Variants in RYR3 observed in about 807,000 individuals in gnomAD.
RYR3 encodes the protein brain ryanodine receptor-calcium release channel.
RYR3 carries 207 observed loss-of-function variants against 584.3 expected under a neutral mutation model. The ratio of observed to expected loss-of-function variants is 0.35; its 90% CI spans 0.32 to 0.40. RYR3 has a LOEUF of 0.40. RYR3 is among the 10% of genes least tolerant of loss of function. The pLI is 1.00. For missense variants in RYR3, 5,616 were observed against 6,089.2 expected (o/e 0.92, Z 2.59); for synonymous variants, 2,416 against 2,248.5 (o/e 1.07, Z -2.11).
At chr15:33,698,946 G>C (rs1246051446) in intron 40 of RYR3, among the ~76,000 whole-genome samples, 1 of 152,102 alleles carries the variant, frequency 6.6e-6, no homozygotes, top group African/African-American at 2.4e-5. Flanking sequence ...CTAAGATTTG[G>C]CCCAACCTAG....
At chr15:33,647,396 A>C (rs1185271831) in intron 29 of RYR3, 28 bp from the exon 30 acceptor site, 3 of 1,593,556 alleles carry the variant, frequency 1.9e-6, no homozygotes, top group East Asian at 2.2e-5. Flanking sequence ...CAGCTGAATA[A>C]CTAAAACATG....
intron 38 of RYR3, among the ~76,000 whole-genome samples, chr15:33,673,508 TAGC>T (rs1157340047): frequency 6.6e-6 from 1 of 152,252 alleles, no homozygotes; most frequent in Non-Finnish European, 1.5e-5. Flanking sequence ...CTAACAATAG[TAGC>T]CACTGTACTA....
At chr15:33,642,153 C>T (rs895499875) in intron 27 of RYR3, among the ~76,000 whole-genome samples, 5 of 152,188 alleles carry the variant, frequency 3.3e-5, no homozygotes, top group Non-Finnish European at 7.4e-5. Context: ...GCAGTTATTA[C>T]CTTTTCCCCC....
At chr15:33,422,979 G>A (rs1339788568) in intron 1 of RYR3, among the ~76,000 whole-genome samples, 1 of 151,986 alleles carries the variant, frequency 6.6e-6, no homozygotes, top group East Asian at 1.9e-4. Context: ...TTGCTTCAAG[G>A]GAGTTTAAAT....
intron 2 of RYR3, among the ~76,000 whole-genome samples, chr15:33,480,141 C>T (rs1254712760): frequency 6.6e-6 from 1 of 152,164 alleles, no homozygotes; most frequent in East Asian, 1.9e-4. Flanking sequence ...TGCCTTTCCA[C>T]AAGTCTGTGA....
At chr15:33,594,091 C>A (rs954091381) in intron 16 of RYR3, among the ~76,000 whole-genome samples, 1 of 152,172 alleles carries the variant, frequency 6.6e-6, no homozygotes, top group African/African-American at 2.4e-5. Flanking sequence ...GGGGCTTCTG[C>A]ACGTGTCAGA....
chr15:33,386,850 CT>C (rs1016639402), intron 1 of RYR3, among the ~76,000 whole-genome samples: 9 of 151,074 alleles, frequency 6.0e-5, no homozygotes, highest in South Asian at 2.1e-4. Context: ...AATTTTTTTC[CT>C]TTTTTTTTAT....
intron 2 of RYR3, among the ~76,000 whole-genome samples, chr15:33,500,192 T>C (rs112666070): frequency 2.0e-5 from 3 of 152,190 alleles, no homozygotes; most frequent in African/African-American, 7.2e-5. Flanking sequence ...TCAAGAACGA[T>C]ATAAGCCAAA....
Position 33,739,840 on chromosome 15 carries a change from C to A in RYR3, c.7665C>A (p.Asp2555Glu). ...TTGTTTTTCCCTCACAGAAATATGA[C>A]CCAGATCTTTTCCGAATGGCCCTGC... is the stretch of plus-strand genomic sequence containing the variant. ...IFDSLSHKKY[D>E]PDLFRMALPC... Residue 2555 changes from aspartate (D) to glutamate (E), a missense_variant, in exon 51 of 104, where the codon GAC (aspartate) becomes GAA (glutamate). Physicochemically the swap from Asp to Glu is conservative, Grantham distance 45. Coordinates refer to ENST00000634891, the MANE Select transcript of RYR3 (RefSeq NM_001036.6). The A allele has an allele frequency of 6.2e-7, 1 of 1,613,200 alleles. No homozygotes were observed. Among genetic ancestry groups the A allele is most frequent in the Non-Finnish European group, 8.5e-7 (1 of 1,179,560 alleles).
At chr15:33,622,763 A>G (rs2060791852) in intron 19 of RYR3, among the ~76,000 whole-genome samples, 1 of 152,230 alleles carries the variant, frequency 6.6e-6, no homozygotes, top group Non-Finnish European at 1.5e-5. Context: ...TGTTTTAATT[A>G]TGGAAAACTG....
chr15:33,736,762 T>A (rs946624197), intron 49 of RYR3, among the ~76,000 whole-genome samples: 8 of 144,428 alleles, frequency 5.5e-5, no homozygotes, highest in Admixed American at 1.5e-4. Context: ...ACTTTTTTTT[T>A]AAATGAGATG....
chr15:33,614,143 T>G (rs1455478108), intron 19 of RYR3, among the ~76,000 whole-genome samples: 3 of 152,208 alleles, frequency 2.0e-5, no homozygotes, highest in Non-Finnish European at 4.4e-5. Context: ...AAATCTAACC[T>G]GAACTCATTT....
intron 12 of RYR3, among the ~76,000 whole-genome samples, chr15:33,572,775 G>T (rs1016013732): frequency 1.3e-5 from 2 of 152,012 alleles, no homozygotes; most frequent in Non-Finnish European, 2.9e-5. Context: ...GGGGGTTCGA[G>T]ACCAGCCTGA....
intron 2 of RYR3, among the ~76,000 whole-genome samples, chr15:33,476,504 T>C (rs1596303635): frequency 1.3e-5 from 2 of 152,242 alleles, no homozygotes; most frequent in Non-Finnish European, 1.5e-5. Flanking sequence ...ACCTGTCTGT[T>C]TTCAAAGTTG....
At chr15:33,357,835 G>T (rs375460795) in intron 1 of RYR3, among the ~76,000 whole-genome samples, 2 of 152,086 alleles carry the variant, frequency 1.3e-5, no homozygotes, top group Non-Finnish European at 2.9e-5. Context: ...AGTCACCAGC[G>T]AGCCTAATCA....
intron 63 of RYR3, 77 bp downstream of exon 63, chr15:33,772,235 A>G (rs1195572282): frequency 2.3e-6 from 2 of 853,604 alleles, no homozygotes; most frequent in Non-Finnish European, 3.9e-6. Flanking sequence ...ATTCACTTAC[A>G]TTGACCTTGA....
intron 99 of RYR3, 115 bp downstream of exon 99, chr15:33,858,029 A>G: frequency 7.5e-7 from 1 of 1,333,094 alleles, no homozygotes; most frequent in Non-Finnish European, 1.0e-6. Context: ...AGAGTTAGTT[A>G]CAGAGCACAG....
In RYR3 at chr15:33,864,081, T is replaced by A. The variant is rs1889525324; in HGVS notation, c.14466-57T>A. ...CTGAGCCCTGATCACAGTTAATCCA[T>A]GCGAATGAACTTGGGTCTTGACCAG... On this transcript the variant is annotated intron_variant, in intron 102 of 103. Transcript: ENST00000634891. 6.9e-6 allele frequency: 9 copies of A among 1,296,290 alleles called. No homozygotes were observed. The South Asian group carries it at 1.1e-4, about 16-fold the overall frequency. 80.3% of individuals were successfully genotyped at this position (1,296,290 alleles called of 1,614,324 possible).
chr15:33,735,936 A>AT (rs1323938819), intron 48 of RYR3, among the ~76,000 whole-genome samples: 2 of 152,216 alleles, frequency 1.3e-5, no homozygotes, highest in Admixed American at 1.3e-4. Flanking sequence ...TCTTTCTGTT[A>AT]TATTCTTTGC....
Sources: allele counts gnomAD v4.1 joint callset (sites outside exome capture counted in the v4.1 genomes callset), GRCh38; gene constraint gnomAD v4.1.1; transcripts MANE v1.5; gene names NCBI Gene and HGNC (gene_info 2026-07-23, HGNC 2026-07-21).